The following MRTFA variants were observed in gnomAD, a reference collection of about 807,000 sequenced individuals.
MRTFA encodes the protein myocardin-related transcription factor A.
A neutral mutation model predicts 83.5 loss-of-function variants in MRTFA; 20 were observed. The ratio of observed to expected loss-of-function variants is 0.24; its 90% CI spans 0.17 to 0.35. The LOEUF (loss-of-function observed/expected upper bound fraction) is 0.35. MRTFA is among the 10% of genes least tolerant of loss of function. The probability of loss-of-function intolerance (pLI) is 1.00; values close to 1 mark genes in which losing one functional copy is unlikely to be tolerated. For synonymous variants in MRTFA, 659 were observed against 541.2 expected (o/e 1.22, Z -3.02); for missense variants, 1,200 against 1,224.7 (o/e 0.98, Z 0.30).
chr22:40,625,499 C>T (rs956528204), intron 1 of MRTFA, among the ~76,000 whole-genome samples: 1 of 150,340 alleles, frequency 6.7e-6, no homozygotes, highest in African/African-American at 2.4e-5. Flanking sequence ...ATAAATAAGG[C>T]CTGGCAGGGT....
At chr22:40,530,950 A>T (rs1373670314) in intron 3 of MRTFA, among the ~76,000 whole-genome samples, 5 of 152,224 alleles carry the variant, frequency 3.3e-5, no homozygotes, top group Non-Finnish European at 7.3e-5. Context: ...ACTCTCATTC[A>T]TTCAAAAATA....
intron 4 of MRTFA, among the ~76,000 whole-genome samples, chr22:40,447,428 T>C (rs2053402126): frequency 6.6e-6 from 1 of 151,732 alleles, no homozygotes; most frequent in East Asian, 1.9e-4. Context: ...TGCAGTCCTC[T>C]GGGAGACAGC....
chr22:40,461,794 G>A (rs894962587), intron 4 of MRTFA, among the ~76,000 whole-genome samples: 8 of 151,678 alleles, frequency 5.3e-5, no homozygotes, highest in Non-Finnish European at 8.8e-5. Flanking sequence ...GCAAGACTCC[G>A]TCTTAAAAAA....
At chr22:40,570,601 A>AG (rs1274521058) in intron 2 of MRTFA, among the ~76,000 whole-genome samples, 1 of 150,616 alleles carries the variant, frequency 6.6e-6, no homozygotes, top group Admixed American at 6.6e-5. Flanking sequence ...AAAAAAAAAA[A>AG]AAAAGAATTG....
intron 5 of MRTFA, among the ~76,000 whole-genome samples, chr22:40,434,277 C>T (rs1487726876): frequency 6.6e-6 from 1 of 151,884 alleles, no homozygotes; most frequent in African/African-American, 2.4e-5. Flanking sequence ...TAAACCACTG[C>T]TGCTTGTTAC....
chr22:40,415,880 C>T (rs2147060130), intron 14 of MRTFA, among the ~76,000 whole-genome samples: 1 of 152,234 alleles, frequency 6.6e-6, no homozygotes, highest in South Asian at 2.1e-4. Flanking sequence ...CAGGACACCG[C>T]ACCCTGCCAC....
At chr22:40,609,482 CAAAAAAAAA>C (rs148106089) in intron 1 of MRTFA, among the ~76,000 whole-genome samples, 21 of 69,718 alleles carry the variant, frequency 3.0e-4, no homozygotes, top group African/African-American at 1.4e-3. Flanking sequence ...GTCTCTTTAA[CAAAAAAAAA>C]AAAAAAAAAA....
At chr22:40,555,586 T>TTA (rs145891906) in intron 2 of MRTFA, among the ~76,000 whole-genome samples, 13,798 of 148,916 alleles carry the variant, frequency 0.093, 854 homozygotes, top group East Asian at 0.24. Context: ...AAAAAAAATT[T>TTA]TATATATATA....
Position 40,418,537 on chromosome 22 carries a change from G to C in MRTFA, c.2201C>G (p.Pro734Arg). The C allele has an allele frequency of 6.3e-7, 1 of 1,584,668 alleles. No individual in the cohort carries two copies. The highest frequency in any genetic ancestry group is 8.6e-7 in the Non-Finnish European group (1 of 1,169,446). ...CAGAAGCAACTGGGGGGCGGGGACC[G>C]GCTCGGGCTCAGGCTGCAAGGCTTC... The change falls in exon 12 of 15, where the codon CCG becomes CGG. Residue 734 changes from proline (P) to arginine (R), a missense_variant. Transcript: ENST00000355630.
intron 1 of MRTFA, among the ~76,000 whole-genome samples, chr22:40,610,765 A>G (rs1471547730): frequency 1.3e-5 from 2 of 151,890 alleles, no homozygotes; most frequent in South Asian, 2.1e-4. Context: ...CGCAACTACT[A>G]CCCCAGTGAC....
intron 4 of MRTFA, among the ~76,000 whole-genome samples, chr22:40,457,828 A>G (rs1007732156): frequency 2.0e-5 from 3 of 152,222 alleles, no homozygotes; most frequent in Non-Finnish European, 4.4e-5. Context: ...AAGACTGACA[A>G]GAGACAAACA....
intron 3 of MRTFA, among the ~76,000 whole-genome samples, chr22:40,496,654 A>AGG (rs1317343227): frequency 2.1e-5 from 3 of 145,648 alleles, no homozygotes; most frequent in Non-Finnish European, 4.5e-5. Flanking sequence ...ACAATTATGT[A>AGG]ACACATACAT....
chr22:40,528,735 T>C lies in MRTFA; in HGVS notation c.241+23371A>G, dbSNP rs528467849. 8.6e-3 allele frequency among the ~76,000 whole-genome samples: 646 copies of C among 75,316 alleles called. 7 individuals are homozygous for C. Among genetic ancestry groups the C allele is most frequent in the African/African-American group, 0.036 (623 of 17,088 alleles). 49.4% of individuals were successfully genotyped at this position (75,316 alleles called of 152,430 possible). ...CTGGGCAATAAGAGTGAAACTCTGC[T>C]TCAAAAAAAAAAAAAAAAAAAGTAT... is the stretch of plus-strand genomic sequence containing the variant. On this transcript the variant is annotated intron_variant, in intron 3 of 14. Transcript: ENST00000355630.
chr22:40,578,159 G>A (rs1381977518), intron 2 of MRTFA, among the ~76,000 whole-genome samples: 2 of 152,078 alleles, frequency 1.3e-5, no homozygotes, highest in South Asian at 2.1e-4. Context: ...TCACCATGTG[G>A]GCCAGGCTGG....
At chr22:40,631,606 T>C (rs1003956214) in intron 1 of MRTFA, among the ~76,000 whole-genome samples, 1 of 152,158 alleles carries the variant, frequency 6.6e-6, no homozygotes, top group Non-Finnish European at 1.5e-5. Context: ...ACTAAGTTAC[T>C]GTTTTCATCA....
intron 3 of MRTFA, among the ~76,000 whole-genome samples, chr22:40,531,237 T>A (rs1355591375): frequency 6.7e-6 from 1 of 149,554 alleles, no homozygotes; most frequent in Non-Finnish European, 1.5e-5. Flanking sequence ...TAGCTCTGAC[T>A]ACAGGTGGGC....
At chr22:40,558,092 T>A (rs2055556364) in intron 2 of MRTFA, among the ~76,000 whole-genome samples, 1 of 147,014 alleles carries the variant, frequency 6.8e-6, no homozygotes, top group Non-Finnish European at 1.5e-5. Context: ...CTTTCTTTCT[T>A]TTTTTTTTTA....
At chr22:40,476,704 C>T (rs997361778) in intron 3 of MRTFA, among the ~76,000 whole-genome samples, 6 of 152,204 alleles carry the variant, frequency 3.9e-5, no homozygotes, top group South Asian at 2.1e-4. Context: ...CCACCCACCG[C>T]GGCCTCCCAA....
intron 7 of MRTFA, 57 bp from the exon 8 acceptor site, chr22:40,424,438 G>A (rs1388938886): frequency 1.3e-6 from 2 of 1,572,872 alleles, no homozygotes; most frequent in African/African-American, 2.7e-5. Context: ...AGATGAGCAG[G>A]GACAGGCCTG....
Sources: allele counts gnomAD v4.1 joint callset (sites outside exome capture counted in the v4.1 genomes callset), GRCh38; gene constraint gnomAD v4.1.1; transcripts MANE v1.5; gene names NCBI Gene and HGNC (gene_info 2026-07-23, HGNC 2026-07-21).